NELL2: variants seen among roughly 807,000 people sequenced by gnomAD.
NELL2 encodes the protein protein kinase C-binding protein NELL2.
A neutral mutation model predicts 109.6 loss-of-function variants in NELL2; 41 were observed. That is an observed-to-expected ratio of 0.37 (90% CI 0.29 to 0.49). NELL2 has a LOEUF of 0.49. Among genes scored for constraint, NELL2 ranks in the 20% least tolerant of loss-of-function variants. The pLI is 0.98. For synonymous variants in NELL2, 355 were observed against 344.7 expected (o/e 1.03, Z -0.33); for missense variants, 900 against 1,008.3 (o/e 0.89, Z 1.45).
At chr12:44,845,748 C>T (rs1441077307) in intron 2 of NELL2, among the ~76,000 whole-genome samples, 4 of 152,168 alleles carry the variant, frequency 2.6e-5, no homozygotes, top group East Asian at 3.8e-4. Context: ...CATACACACA[C>T]ACAGTACTAA....
At chr12:44,626,530 T>G (rs2033758176) in intron 13 of NELL2, among the ~76,000 whole-genome samples, 1 of 152,216 alleles carries the variant, frequency 6.6e-6, no homozygotes, top group Admixed American at 6.5e-5. Context: ...CAAAATTATT[T>G]GCTTATATAT....
intron 1 of NELL2, among the ~76,000 whole-genome samples, chr12:44,913,175 G>T (rs947608269): frequency 3.3e-5 from 5 of 152,012 alleles, no homozygotes; most frequent in Admixed American, 2.6e-4. Context: ...TAAATCAGTA[G>T]CCTGTTTAGA....
chr12:44,904,127 A>G (rs1054954528), intron 1 of NELL2, among the ~76,000 whole-genome samples: 1 of 148,952 alleles, frequency 6.7e-6, no homozygotes, highest in African/African-American at 2.4e-5. Flanking sequence ...ACTTAAATCT[A>G]TTAAATGTCT....
chr12:44,521,701 G>T (rs1025979547), intron 18 of NELL2, among the ~76,000 whole-genome samples: 1 of 151,998 alleles, frequency 6.6e-6, no homozygotes, highest in Non-Finnish European at 1.5e-5. Flanking sequence ...GCCTAAACAG[G>T]ATAGGAATGG....
intron 9 of NELL2, among the ~76,000 whole-genome samples, chr12:44,742,264 G>T (rs1214605569): frequency 6.6e-6 from 1 of 152,138 alleles, no homozygotes; most frequent in Non-Finnish European, 1.5e-5. Flanking sequence ...CTGTTGGAAG[G>T]AAAACTAACA....
At chr12:44,792,543 C>T (rs905181339) in intron 3 of NELL2, among the ~76,000 whole-genome samples, 1 of 151,868 alleles carries the variant, frequency 6.6e-6, no homozygotes, top group Non-Finnish European at 1.5e-5. Context: ...GAAAAGACAC[C>T]ATAAATAAAC....
intron 13 of NELL2, among the ~76,000 whole-genome samples, chr12:44,627,779 GCAATT>G (rs1359159814): frequency 1.3e-5 from 2 of 152,214 alleles, no homozygotes; most frequent in East Asian, 3.9e-4. Context: ...TAATAACAAA[GCAATT>G]CCAACTTATG....
chr12:44,776,822 G>A (rs1941774514), intron 7 of NELL2, among the ~76,000 whole-genome samples: 1 of 152,082 alleles, frequency 6.6e-6, no homozygotes, highest in African/African-American at 2.4e-5. Context: ...TATAAATTAG[G>A]TAATCTGCCT....
At chr12:44,569,948 C>A (rs1207256443) in intron 15 of NELL2, among the ~76,000 whole-genome samples, 2 of 150,538 alleles carry the variant, frequency 1.3e-5, no homozygotes, top group East Asian at 3.9e-4. Flanking sequence ...GTTAACACAG[C>A]AGATAAGTTC....
intron 9 of NELL2, among the ~76,000 whole-genome samples, chr12:44,739,812 A>T (rs1939850900): frequency 6.6e-6 from 1 of 152,134 alleles, no homozygotes; most frequent in African/African-American, 2.4e-5. Context: ...AATCCCTTGA[A>T]CTGGGAAGTG....
At chr12:44,914,659 C>A (rs1290879511), upstream of NELL2, among the ~76,000 whole-genome samples, 2 of 152,122 alleles carry the variant, frequency 1.3e-5, no homozygotes, top group Non-Finnish European at 2.9e-5. Context: ...TTCCCACAAC[C>A]TAGAAGAGTG....
intron 9 of NELL2, among the ~76,000 whole-genome samples, chr12:44,743,880 A>C (rs898493620): frequency 6.6e-6 from 1 of 152,206 alleles, no homozygotes; most frequent in African/African-American, 2.4e-5. Context: ...TGTCAACATT[A>C]GACAGATCAA....
At chr12:44,704,022 T>A (rs1412279129) in intron 11 of NELL2, among the ~76,000 whole-genome samples, 168 bp from the exon 12 acceptor site, 2 of 152,146 alleles carry the variant, frequency 1.3e-5, no homozygotes, top group Non-Finnish European at 2.9e-5. Context: ...TACCAAAAAC[T>A]TCTTCTTTAT....
intron 11 of NELL2, among the ~76,000 whole-genome samples, chr12:44,708,734 G>A (rs1282525978): frequency 6.6e-6 from 1 of 152,186 alleles, no homozygotes; most frequent in African/African-American, 2.4e-5. Context: ...ATCTAAGCCA[G>A]TGGTTCACAA....
At chr12:44,613,137 A>T (rs1211703169) in intron 13 of NELL2, among the ~76,000 whole-genome samples, 2 of 152,076 alleles carry the variant, frequency 1.3e-5, no homozygotes, top group South Asian at 2.1e-4. Context: ...TTACAATAAA[A>T]TGTCACGTAT....
In NELL2 at chr12:44,663,714, ACT is replaced by A. The variant is rs139066933; in HGVS notation, c.1444+1768_1444+1769del. Among the ~76,000 whole-genome samples, 185 of 152,286 alleles carry A rather than the reference ACT, an allele frequency of 1.2e-3. 3 individuals are homozygous for A. In the East Asian group the frequency reaches 0.026, roughly 22 times the overall value. ...GGGAGAGGCGAAGCCAAAGCAGAAG[ACT>A]CTCTGTAAATGTATGAAAGCTAAAC... On this transcript the variant is annotated intron_variant, in intron 13 of 19. Coordinates refer to ENST00000429094, the MANE Select transcript of NELL2 (RefSeq NM_001145108.2).
At chr12:44,822,338 G>C (rs369393624) in intron 2 of NELL2, among the ~76,000 whole-genome samples, 1 of 152,150 alleles carries the variant, frequency 6.6e-6, no homozygotes, top group Non-Finnish European at 1.5e-5. Context: ...ACACCCTTGT[G>C]ATTTTCTGAG....
chr12:44,749,850 T>C (rs1296536219), intron 9 of NELL2, among the ~76,000 whole-genome samples: 1 of 152,114 alleles, frequency 6.6e-6, no homozygotes, highest in Non-Finnish European at 1.5e-5. Flanking sequence ...CACTATCTTG[T>C]GCACTACGTA....
chr12:44,766,356 C>T (rs1306637853), intron 9 of NELL2, among the ~76,000 whole-genome samples: 1 of 152,146 alleles, frequency 6.6e-6, no homozygotes, highest in Non-Finnish European at 1.5e-5. Context: ...GGTGCTGTGG[C>T]TTTATTCTCC....
Sources: allele counts gnomAD v4.1 joint callset (sites outside exome capture counted in the v4.1 genomes callset), GRCh38; gene constraint gnomAD v4.1.1; transcripts MANE v1.5; gene names NCBI Gene and HGNC (gene_info 2026-07-23, HGNC 2026-07-21).